The following SLC37A1 variants were observed in gnomAD, a reference collection of about 807,000 sequenced individuals.
SLC37A1 encodes the protein solute carrier family 37 member 1, also known as glucose-6-phosphate exchanger SLC37A1.
Under a neutral mutation model 75.3 loss-of-function variants are expected in SLC37A1, and 49 were observed. The ratio of observed to expected loss-of-function variants is 0.65; its 90% confidence interval spans 0.52 to 0.83. The LOEUF is 0.83. Among genes scored for constraint, SLC37A1 ranks in the 40% least tolerant of loss-of-function variants. The pLI, the probability that SLC37A1 is intolerant of heterozygous loss-of-function variation, is 0.00. For missense variants in SLC37A1, 566 were observed against 695.0 expected (o/e 0.81, Z 2.09); for synonymous variants, 268 against 292.1 (o/e 0.92, Z 0.84).
At chr21:42,515,285 AAAG>A (rs1192689442) in intron 1 of SLC37A1, among the ~76,000 whole-genome samples, 1 of 152,238 alleles carries the variant, frequency 6.6e-6, no homozygotes, top group African/African-American at 2.4e-5. Context: ...AATTTAAAAA[AAAG>A]AAAAGAAAAA....
chr21:42,571,463 A>G (rs932904399), intron 17 of SLC37A1, among the ~76,000 whole-genome samples: 5 of 152,256 alleles, frequency 3.3e-5, no homozygotes, highest in African/African-American at 1.2e-4. Context: ...AAAGTAAAAC[A>G]TAATGTACCT....
chr21:42,518,607 A>T, intron 2 of SLC37A1, 97 bp downstream of exon 2: 1 of 1,374,060 alleles, frequency 7.3e-7, no homozygotes, highest in Non-Finnish European at 1.0e-6. Flanking sequence ...TATAAAACAC[A>T]TAAAACTTGA....
intron 3 of SLC37A1, among the ~76,000 whole-genome samples, chr21:42,530,373 A>C (rs539311560): frequency 1.3e-5 from 2 of 152,072 alleles, no homozygotes; most frequent in Non-Finnish European, 2.9e-5. Flanking sequence ...TCATCGCAGG[A>C]GGCTGGCCGT....
chr21:42,504,061 G>A (rs1178131530), intron 2 of SLC37A1, among the ~76,000 whole-genome samples: 3 of 152,156 alleles, frequency 2.0e-5, no homozygotes, highest in African/African-American at 4.8e-5. Context: ...GTGAAAATAC[G>A]TATTTATTAA....
At chr21:42,537,765 T>G (rs17115050) in intron 5 of SLC37A1, among the ~76,000 whole-genome samples, 5,082 of 152,306 alleles carry the variant, frequency 0.033, 283 homozygotes, top group African/African-American at 0.12. Flanking sequence ...TCAGTAAGGT[T>G]ATTAAAACAA....
chr21:42,567,883 T>C (rs1473426544), intron 16 of SLC37A1, among the ~76,000 whole-genome samples: 1 of 152,204 alleles, frequency 6.6e-6, no homozygotes, highest in African/African-American at 2.4e-5. Context: ...CCCTCCTCCC[T>C]TCTTCCCCTG....
intron 7 of SLC37A1, 146 bp from the exon 8 acceptor site, chr21:42,543,290 C>G: frequency 1.1e-6 from 1 of 907,658 alleles, no homozygotes; most frequent in South Asian, 1.4e-5. Flanking sequence ...ATCGCGAGTC[C>G]TGCATGGCAC....
At chr21:42,570,165 AGGGTGGC>A in intron 17 of SLC37A1, among the ~76,000 whole-genome samples, 1 of 102,840 alleles carries the variant, frequency 9.7e-6, no homozygotes, top group African/African-American at 3.6e-5. Flanking sequence ...AGCGGCGGGC[AGGGTGGC>A]CATTGCCATG....
chr21:42,570,160 C>G (rs868105402), intron 17 of SLC37A1, among the ~76,000 whole-genome samples: 4 of 100,436 alleles, frequency 4.0e-5, no homozygotes, highest in African/African-American at 1.1e-4. Context: ...TGAGAAGCGG[C>G]GGGCAGGGTG....
chr21:42,540,877 G>C (rs1439854664), intron 6 of SLC37A1, among the ~76,000 whole-genome samples: 1 of 152,212 alleles, frequency 6.6e-6, no homozygotes, highest in Non-Finnish European at 1.5e-5. Context: ...AATTAGAAGG[G>C]AGGAGAAAAC....
At chr21:42,575,076 C>T in intron 18 of SLC37A1, 161 bp downstream of exon 18, 2 of 985,454 alleles carry the variant, frequency 2.0e-6, no homozygotes, top group Non-Finnish European at 2.4e-6. Context: ...CCTTCTCTCT[C>T]TGATTAGAAA....
intron 18 of SLC37A1, chr21:42,576,032 T>C: frequency 1.1e-6 from 1 of 881,940 alleles, no homozygotes; most frequent in Non-Finnish European, 1.4e-6. Context: ...GCCAAACTCA[T>C]AAGAAAGTAA....
rs1302602448 is a variant in SLC37A1 at position 42,547,286 on chromosome 21, A to G, written c.768+146A>G. ...TCAAAACATTGGCAGTTCTAGGAAT[A>G]GAGAATATTCTGTTTTGGGTTTCGC... On this transcript the variant is annotated intron_variant, in intron 9 of 19. Transcript: ENST00000352133. The surrounding 1 kb of genome is among the most constrained non-coding windows in gnomAD (Gnocchi z 6.1). 1 of 855,316 alleles carries G rather than the reference A, an allele frequency of 1.2e-6. No homozygotes were observed. The highest frequency in any genetic ancestry group is 2.2e-5 in the Admixed American group (1 of 45,276). The allele number at this position is 855,316 out of a possible 1,614,324, so 53.0% of individuals were successfully genotyped here.
At chr21:42,579,077 A>G (rs2056364240) in intron 18 of SLC37A1, among the ~76,000 whole-genome samples, 1 of 152,238 alleles carries the variant, frequency 6.6e-6, no homozygotes, top group Non-Finnish European at 1.5e-5. Context: ...GAGGTAGCAC[A>G]ATCATTTGTC....
At chr21:42,549,835 C>A (rs1324909638) in intron 9 of SLC37A1, among the ~76,000 whole-genome samples, 2 of 152,166 alleles carry the variant, frequency 1.3e-5, no homozygotes, top group African/African-American at 4.8e-5. Flanking sequence ...GGATAAAATT[C>A]TAATTTTTTC....
At chr21:42,526,441 C>G (rs1303236933) in intron 3 of SLC37A1, among the ~76,000 whole-genome samples, 1 of 152,216 alleles carries the variant, frequency 6.6e-6, no homozygotes, top group Non-Finnish European at 1.5e-5. Flanking sequence ...GCCTGAGAGG[C>G]ATTAGAGTCT....
At chr21:42,511,180 G>T (rs1282394061), upstream of SLC37A1, among the ~76,000 whole-genome samples, 1 of 152,174 alleles carries the variant, frequency 6.6e-6, no homozygotes, top group Non-Finnish European at 1.5e-5. Flanking sequence ...ATCAGTAACA[G>T]GAGGAAAATT....
At chr21:42,518,739 C>T (rs1049076848) in intron 2 of SLC37A1, among the ~76,000 whole-genome samples, 5 of 152,228 alleles carry the variant, frequency 3.3e-5, no homozygotes, top group African/African-American at 9.6e-5. Flanking sequence ...TGGGCTCCCG[C>T]GTGGTCTCCA....
chr21:42,535,329 G>C (rs375550525), intron 4 of SLC37A1, 143 bp from the exon 5 acceptor site: 1 of 665,540 alleles, frequency 1.5e-6, no homozygotes, highest in African/African-American at 1.8e-5. Context: ...AAAATGCACC[G>C]CCTTGTTTTC....
Sources: gnomAD v4.1 joint callset for allele counts (sites outside exome capture counted in the v4.1 genomes callset) on GRCh38, gnomAD v4.1.1 for gene constraint, Gnocchi (gnomAD v3.1) non-coding constraint, MANE v1.5 for transcripts, NCBI Gene and HGNC (gene_info 2026-07-23, HGNC 2026-07-21) for gene names.